Variants in AK8 observed in about 807,000 individuals in gnomAD.
AK8 encodes the protein adenylate kinase 8.
AK8 carries 44 observed loss-of-function variants against 54.6 expected under a neutral mutation model. The ratio of observed to expected loss-of-function variants is 0.81; its 90% CI spans 0.63 to 1.04. The LOEUF is 1.04. AK8 is among the 50% of genes least tolerant of loss of function. The probability of loss-of-function intolerance (pLI) is 0.00; values close to 1 mark genes in which losing one functional copy is unlikely to be tolerated. For missense variants in AK8, 555 were observed against 613.6 expected (o/e 0.90, Z 1.01); for synonymous variants, 239 against 245.6 (o/e 0.97, Z 0.25).
intron 5 of AK8, among the ~76,000 whole-genome samples, chr9:132,852,237 G>C (rs1842994439): frequency 6.6e-6 from 1 of 152,216 alleles, no homozygotes; most frequent in African/African-American, 2.4e-5. Flanking sequence ...ACTTTGGGAG[G>C]CCAAGGCGGG....
At chr9:132,810,429 T>C (rs995635202) in intron 10 of AK8, among the ~76,000 whole-genome samples, 14 of 152,166 alleles carry the variant, frequency 9.2e-5, no homozygotes, top group Non-Finnish European at 1.6e-4. Context: ...AAAGGACTCT[T>C]GGGTTTGCTT....
At chr9:132,764,745 G>A (rs142926761) in intron 11 of AK8, among the ~76,000 whole-genome samples, 123 of 152,312 alleles carry the variant, frequency 8.1e-4, no homozygotes, top group African/African-American at 2.7e-3. Context: ...TTAAAGAAGA[G>A]CTAACTGATA....
intron 10 of AK8, among the ~76,000 whole-genome samples, chr9:132,806,195 A>C (rs1227660081): frequency 6.6e-6 from 1 of 151,954 alleles, no homozygotes; most frequent in Non-Finnish European, 1.5e-5. Flanking sequence ...GGGGCCCCTA[A>C]AGCTTGTGAA....
intron 11 of AK8, among the ~76,000 whole-genome samples, chr9:132,759,714 G>T (rs1004867602): frequency 2.6e-5 from 4 of 152,106 alleles, no homozygotes; most frequent in East Asian, 3.8e-4. Flanking sequence ...CCCCTGATCC[G>T]TGGTGCCACC....
At chr9:132,747,401 C>A (rs1273175796) in intron 11 of AK8, among the ~76,000 whole-genome samples, 3 of 151,674 alleles carry the variant, frequency 2.0e-5, no homozygotes, top group African/African-American at 4.8e-5. Context: ...GATCTCCCCA[C>A]CTTGGCCTCC....
At chr9:132,878,373 C>T, upstream of AK8, 2 of 1,248,654 alleles carry the variant, frequency 1.6e-6, no homozygotes. This position sits in a 1 kb window ranked among gnomAD's most constrained non-coding sequence, Gnocchi z 4.7. Context: ...CCCAGATACC[C>T]GATCCTCGGT....
intron 5 of AK8, 108 bp downstream of exon 5, chr9:132,854,749 C>T: frequency 7.9e-7 from 1 of 1,261,248 alleles, no homozygotes; most frequent in Non-Finnish European, 1.1e-6. Context: ...GTTTGCCTGC[C>T]TTACCTTCTC....
intron 11 of AK8, among the ~76,000 whole-genome samples, chr9:132,733,383 G>A (rs1836949947): frequency 6.6e-6 from 1 of 152,166 alleles, no homozygotes; most frequent in South Asian, 2.1e-4. Flanking sequence ...GGCGGCTGGC[G>A]GCTCTGGATG....
intron 1 of AK8, among the ~76,000 whole-genome samples, chr9:132,875,528 AT>A (rs1278418662): frequency 6.6e-6 from 1 of 152,174 alleles, no homozygotes; most frequent in Non-Finnish European, 1.5e-5. Context: ...AAGCATCACC[AT>A]TCCCCTCAGA....
chr9:132,878,302 C>G (rs1339903600), upstream of AK8: 1 of 1,323,620 alleles, frequency 7.6e-7, no homozygotes, highest in Non-Finnish European at 9.7e-7. This position sits in a 1 kb window ranked among gnomAD's most constrained non-coding sequence, Gnocchi z 4.7. Flanking sequence ...TCGCTAGGGC[C>G]GCCGCGCCGA....
At chr9:132,736,279 C>T (rs538388746) in intron 11 of AK8, among the ~76,000 whole-genome samples, 19 of 151,716 alleles carry the variant, frequency 1.3e-4, no homozygotes, top group Non-Finnish European at 1.8e-4. Flanking sequence ...CTCCGCCTCC[C>T]GGATTCAAGC....
chr9:132,733,849 TAGTGG>T (rs1387227255), intron 11 of AK8, among the ~76,000 whole-genome samples: 1 of 151,906 alleles, frequency 6.6e-6, no homozygotes. Flanking sequence ...TGGGTGAGGG[TAGTGG>T]GTGCCTGGAC....
intron 3 of AK8, among the ~76,000 whole-genome samples, chr9:132,866,260 TC>T (rs1843593938): frequency 6.6e-6 from 1 of 152,180 alleles, no homozygotes. Context: ...ACCACCAGTT[TC>T]TGGACATTCA....
At chr9:132,870,063 C>T (rs1244451403) in intron 2 of AK8, among the ~76,000 whole-genome samples, 3 of 152,170 alleles carry the variant, frequency 2.0e-5, no homozygotes, top group East Asian at 1.9e-4. Flanking sequence ...AGATGCAGCT[C>T]GGCAAGGGCC....
At chr9:132,857,177 A>G (rs1369645273) in intron 4 of AK8, among the ~76,000 whole-genome samples, 1 of 152,006 alleles carries the variant, frequency 6.6e-6, no homozygotes, top group Non-Finnish European at 1.5e-5. Context: ...GTGGTTCTCA[A>G]TTTGATTGTG....
chr9:132,785,214 C>T (rs1321448162), intron 11 of AK8, among the ~76,000 whole-genome samples: 1 of 151,932 alleles, frequency 6.6e-6, no homozygotes, highest in East Asian at 1.9e-4. Flanking sequence ...AAGCAGTTCC[C>T]TGCCTCAGCC....
At chr9:132,846,872 G>A (rs1255151523) in intron 5 of AK8, among the ~76,000 whole-genome samples, 1 of 152,328 alleles carries the variant, frequency 6.6e-6, no homozygotes. Flanking sequence ...TACAACATGG[G>A]CACAATAATA....
intron 5 of AK8, among the ~76,000 whole-genome samples, chr9:132,853,794 A>AAAAC (rs1480028034): frequency 6.6e-6 from 1 of 150,972 alleles, no homozygotes; most frequent in Non-Finnish European, 1.5e-5. Context: ...AAAAAAAAAA[A>AAAAC]AAAAAAAAAA....
chr9:132,727,627 T>G, intron 11 of AK8, 93 bp from the exon 12 acceptor site: 1 of 1,245,086 alleles, frequency 8.0e-7, no homozygotes, highest in East Asian at 2.5e-5. Context: ...CTGGAGAGAC[T>G]GCTCCTCCCA....
Sources: gnomAD v4.1 joint callset for allele counts (sites outside exome capture counted in the v4.1 genomes callset) on GRCh38, gnomAD v4.1.1 for gene constraint, Gnocchi (gnomAD v3.1) non-coding constraint, MANE v1.5 for transcripts, NCBI Gene and HGNC (gene_info 2026-07-23, HGNC 2026-07-21) for gene names.